Variants in PRSS3 observed in about 807,000 individuals in gnomAD.
PRSS3 encodes serine protease 3.
In PRSS3, 14 loss-of-function variants were observed where a neutral mutation model predicts 20.8. The ratio of observed to expected loss-of-function variants is 0.67; its 90% CI spans 0.44 to 1.05. The LOEUF (loss-of-function observed/expected upper bound fraction) is 1.05. PRSS3 is among the 50% of genes least tolerant of loss of function. PRSS3 has a pLI of 0.00. For synonymous variants in PRSS3, 91 were observed against 117.6 expected, an observed-to-expected ratio of 0.77 and a Z score of 1.46; for missense variants, 237 against 306.4, an observed-to-expected ratio of 0.77 and a Z score of 1.69.
At chr9:33,766,731 G>A (rs1245598308) in intron 1 of PRSS3, among the ~76,000 whole-genome samples, 1 of 152,106 alleles carries the variant, frequency 6.6e-6, no homozygotes, top group African/African-American at 2.4e-5. Flanking sequence ...CACAGAGACG[G>A]AAAGCGTATT....
In PRSS3 at chr9:33,796,594, C is replaced by T. The variant is rs370082620; in HGVS notation, c.41-49C>T. On this transcript the variant is annotated intron_variant, in intron 1 of 4. Transcript: ENST00000379405. ...AAGCAACCGCAGGCTGGGAGCACCA[C>T]CCCTAACATGCTACTGACTTGCCTT... is the stretch of plus-strand genomic sequence containing the variant. 1.6e-5 allele frequency: 25 copies of T among 1,609,246 alleles called. No homozygotes were observed. The African/African-American group carries it at 2.8e-4, about 18-fold the overall frequency.
chr9:33,796,462 C>T (rs1251537041), intron 1 of PRSS3, among the ~76,000 whole-genome samples, 181 bp from the exon 2 acceptor site: 1 of 135,146 alleles, frequency 7.4e-6, no homozygotes, highest in Admixed American at 7.3e-5. Context: ...ACGTGCCCTG[C>T]AGACACAGAG....
At chr9:33,771,953 C>G (rs1042553629) in intron 1 of PRSS3, among the ~76,000 whole-genome samples, 2 of 148,536 alleles carry the variant, frequency 1.3e-5, no homozygotes, top group African/African-American at 5.0e-5. Context: ...CTCACTGTAA[C>G]CTCTGCCTCC....
At chr9:33,779,434 A>G (rs1313915062) in intron 1 of PRSS3, among the ~76,000 whole-genome samples, 1 of 152,230 alleles carries the variant, frequency 6.6e-6, no homozygotes, top group Non-Finnish European at 1.5e-5. Flanking sequence ...ACTAGAATTT[A>G]ATAATGCAAT....
intron 1 of PRSS3, among the ~76,000 whole-genome samples, chr9:33,778,480 T>C (rs1389394592): frequency 6.6e-6 from 1 of 152,120 alleles, no homozygotes; most frequent in Non-Finnish European, 1.5e-5. Context: ...ACTACTCAAA[T>C]TAATAAGTGC....
intron 1 of PRSS3, among the ~76,000 whole-genome samples, chr9:33,764,166 G>A (rs1823322805): frequency 6.6e-6 from 1 of 152,154 alleles, no homozygotes; most frequent in Non-Finnish European, 1.5e-5. Context: ...TTAACAAATG[G>A]CTGGGACACT....
intron 1 of PRSS3, among the ~76,000 whole-genome samples, chr9:33,765,460 A>G (rs1823373554): frequency 6.6e-6 from 1 of 152,202 alleles, no homozygotes. Flanking sequence ...TCATGTTTCC[A>G]CTTAAACAAA....
At chr9:33,796,279 G>A in intron 1 of PRSS3, among the ~76,000 whole-genome samples, 1 of 152,202 alleles carries the variant, frequency 6.6e-6, no homozygotes, top group African/African-American at 2.4e-5. Flanking sequence ...TGACAATCCA[G>A]GGCTCAAATA....
chr9:33,752,660 T>C (rs1444114011), intron 1 of PRSS3, among the ~76,000 whole-genome samples: 1 of 152,218 alleles, frequency 6.6e-6, no homozygotes, highest in Non-Finnish European at 1.5e-5. Context: ...TCTACCCTTT[T>C]AACCAGCCAG....
At chr9:33,786,564 GCAGGGATAT>G in intron 1 of PRSS3, 1 of 766,308 alleles carries the variant, frequency 1.3e-6, no homozygotes, top group Admixed American at 1.7e-5. Context: ...CAAAAGCCAA[GCAGGGATAT>G]CTGTCAACGT....
intron 1 of PRSS3, among the ~76,000 whole-genome samples, chr9:33,781,753 A>C (rs1344550961): frequency 6.6e-6 from 1 of 152,230 alleles, no homozygotes; most frequent in East Asian, 1.9e-4. Context: ...TTTGTTTTCT[A>C]AGAAACTAAA....
chr9:33,785,158 CA>C (rs1356255404), intron 1 of PRSS3, among the ~76,000 whole-genome samples: 1 of 94,620 alleles, frequency 1.1e-5, no homozygotes, highest in African/African-American at 5.1e-5. Flanking sequence ...GCATTGTGGT[CA>C]ATTTTTTTTT....
upstream of PRSS3, among the ~76,000 whole-genome samples, chr9:33,794,200 T>G (rs1002035811): frequency 1.4e-5 from 2 of 141,916 alleles, no homozygotes; most frequent in African/African-American, 5.3e-5. Flanking sequence ...TTCTGAGCTT[T>G]TCTCATTTTG....
At chr9:33,797,462 T>C (rs1232005073) in intron 2 of PRSS3, among the ~76,000 whole-genome samples, 1 of 152,232 alleles carries the variant, frequency 6.6e-6, no homozygotes, top group African/African-American at 2.4e-5. Context: ...ACAGGCGCTG[T>C]GCGCAGTTAG....
chr9:33,761,932 G>A (rs998838953), intron 1 of PRSS3: 1 of 152,100 alleles, frequency 6.6e-6, no homozygotes, highest in African/African-American at 2.4e-5. Context: ...CATCATACAT[G>A]CCGTCTGTTA....
At chr9:33,786,840 G>A in intron 1 of PRSS3, 1 of 719,906 alleles carries the variant, frequency 1.4e-6, no homozygotes, top group Non-Finnish European at 2.5e-6. Context: ...ACAGTGCAGG[G>A]CACAGATCAA....
chr9:33,794,778 G>T (rs778034717), upstream of PRSS3: 1 of 1,550,616 alleles, frequency 6.4e-7, no homozygotes, highest in South Asian at 1.2e-5. Context: ...TGCATAAAAA[G>T]AACCTATGAC....
At chr9:33,766,795 T>G (rs999715719) in intron 1 of PRSS3, among the ~76,000 whole-genome samples, 5 of 152,052 alleles carry the variant, frequency 3.3e-5, no homozygotes, top group African/African-American at 4.8e-5. Context: ...ACTATCAATG[T>G]GTATGGGATT....
chr9:33,774,577 C>A (rs1406225844), intron 1 of PRSS3, among the ~76,000 whole-genome samples: 1 of 152,164 alleles, frequency 6.6e-6, no homozygotes, highest in East Asian at 1.9e-4. Flanking sequence ...ATTTGCAAAG[C>A]TGGTTTTTCT....
Sources: allele counts gnomAD v4.1 joint callset (sites outside exome capture counted in the v4.1 genomes callset), GRCh38; gene constraint gnomAD v4.1.1; transcripts MANE v1.5; gene names NCBI Gene and HGNC (gene_info 2026-07-23, HGNC 2026-07-21).